OCIAD1: variants seen among roughly 807,000 people sequenced by gnomAD.
OCIAD1 encodes OCIA domain-containing protein 1.
A neutral mutation model predicts 38.9 loss-of-function variants in OCIAD1; 29 were observed. That is an observed-to-expected ratio of 0.74 (90% CI 0.55 to 1.02). OCIAD1 has a LOEUF of 1.02. OCIAD1 is among the 50% of genes least tolerant of loss of function. The pLI is 0.00. For synonymous variants in OCIAD1, 110 were observed against 92.0 expected, an observed-to-expected ratio of 1.20 and a Z score of -1.12; for missense variants, 288 against 289.6, an observed-to-expected ratio of 0.99 and a Z score of 0.04.
chr4:48,824,763 T>C (rs1184603735), intron 1 of OCIAD1, among the ~76,000 whole-genome samples: 2 of 151,768 alleles, frequency 1.3e-5, no homozygotes, highest in Non-Finnish European at 2.9e-5. Flanking sequence ...TTAGACAGAG[T>C]CTTGCTCTGT....
chr4:48,851,746 CTTCTT>C, intron 6 of OCIAD1, 55 bp from the exon 7 acceptor site: 1 of 925,812 alleles, frequency 1.1e-6, no homozygotes, highest in Non-Finnish European at 1.7e-6. Flanking sequence ...TATTTTAACA[CTTCTT>C]TAAGATATAG....
intron 4 of OCIAD1, among the ~76,000 whole-genome samples, chr4:48,847,458 T>A (rs894835438): frequency 5.3e-5 from 8 of 152,206 alleles, no homozygotes; most frequent in African/African-American, 1.9e-4. Flanking sequence ...TAGGTGCTTT[T>A]TGTTGACTCT....
At chr4:48,860,582 C>A in intron 8 of OCIAD1, 143 bp from the exon 9 acceptor site, 1 of 697,538 alleles carries the variant, frequency 1.4e-6, no homozygotes, top group African/African-American at 1.8e-5. Context: ...TGGTCATCCC[C>A]TTTTTGTAAT....
chr4:48,857,137 A>G, intron 7 of OCIAD1, 76 bp from the exon 8 acceptor site: 1 of 805,734 alleles, frequency 1.2e-6, no homozygotes, highest in Non-Finnish European at 1.8e-6. Context: ...TTTTGTAAGG[A>G]GCATTTGTAA....
chr4:48,854,996 T>C (rs1779891128), intron 7 of OCIAD1, among the ~76,000 whole-genome samples: 2 of 152,226 alleles, frequency 1.3e-5, no homozygotes, highest in Admixed American at 6.5e-5. Context: ...CTTCCCAAAA[T>C]AGTAAATCAT....
In OCIAD1 at chr4:48,838,146, C is replaced by T. The variant is rs557889327; in HGVS notation, c.140-4490C>T. On this transcript the variant is annotated intron_variant, in intron 3 of 8. Transcript: ENST00000264312. The stretch of plus-strand genomic sequence containing the variant: ...CAGCCTGACCTATATGGTGAAACCC[C>T]GTCTCTACTAAGAATACAAAAATTA... 5.7e-4 allele frequency among the ~76,000 whole-genome samples: 86 copies of T among 152,110 alleles called. 3 individuals carry two copies. The highest frequency in any genetic ancestry group is 4.8e-3 in the Admixed American group (74 of 15,274).
chr4:48,824,347 G>A (rs1360789282), intron 1 of OCIAD1, among the ~76,000 whole-genome samples: 1 of 151,914 alleles, frequency 6.6e-6, no homozygotes, highest in Non-Finnish European at 1.5e-5. Flanking sequence ...ATTTACAATT[G>A]AAATTACATC....
At chr4:48,820,540 A>G (rs1373812528) in intron 1 of OCIAD1, among the ~76,000 whole-genome samples, 2 of 152,234 alleles carry the variant, frequency 1.3e-5, no homozygotes, top group Non-Finnish European at 2.9e-5. Context: ...AAAACAAGAA[A>G]TAACTAAGAT....
chr4:48,855,169 C>A (rs923785265), intron 7 of OCIAD1, among the ~76,000 whole-genome samples: 7 of 152,156 alleles, frequency 4.6e-5, no homozygotes, highest in African/African-American at 1.7e-4. Context: ...CCATATTTCG[C>A]AATTGAGAAA....
intron 3 of OCIAD1, among the ~76,000 whole-genome samples, chr4:48,839,658 A>G (rs1348698996): frequency 1.3e-5 from 2 of 152,120 alleles, no homozygotes; most frequent in Non-Finnish European, 2.9e-5. Context: ...TATTAGTGTT[A>G]TTATGATTAA....
chr4:48,838,624 T>C (rs1360873653), intron 3 of OCIAD1, among the ~76,000 whole-genome samples: 1 of 152,252 alleles, frequency 6.6e-6, no homozygotes, highest in Non-Finnish European at 1.5e-5. Context: ...AGATAGTCTA[T>C]GCTGTATGTG....
intron 1 of OCIAD1, among the ~76,000 whole-genome samples, chr4:48,820,920 C>T (rs1166638943): frequency 1.3e-5 from 2 of 152,106 alleles, no homozygotes; most frequent in Non-Finnish European, 2.9e-5. Flanking sequence ...AGCCTACCAA[C>T]CAACAAAAGC....
chr4:48,812,282 CAAAAAAAAAAAAAAAAAAAAAAA>C (rs397881494), intron 1 of OCIAD1, among the ~76,000 whole-genome samples: 1 of 25,076 alleles, frequency 4.0e-5, no homozygotes, highest in Non-Finnish European at 6.0e-5. Flanking sequence ...GAGTTGGTCT[CAAAAAAAAAAAAAAAAAAAAAAA>C]AAAAAAAAAA....
intron 7 of OCIAD1, 70 bp downstream of exon 7, chr4:48,852,045 C>T (rs148075905): frequency 8.8e-7 from 1 of 1,135,200 alleles, no homozygotes; most frequent in Non-Finnish European, 1.3e-6. Flanking sequence ...TATTTGATGA[C>T]CTTTTCTGCT....
At chr4:48,813,114 C>A (rs796830296) in intron 1 of OCIAD1, among the ~76,000 whole-genome samples, 2 of 152,056 alleles carry the variant, frequency 1.3e-5, no homozygotes, top group East Asian at 1.9e-4. Flanking sequence ...TGGCATGATG[C>A]GGGATGGATG....
chr4:48,808,424 T>G (rs926964537), intron 1 of OCIAD1, among the ~76,000 whole-genome samples: 4 of 152,006 alleles, frequency 2.6e-5, no homozygotes, highest in Admixed American at 6.5e-5. Flanking sequence ...GAATGGTGAT[T>G]GCACCACTGC....
chr4:48,825,190 G>A (rs1192490131), intron 1 of OCIAD1, among the ~76,000 whole-genome samples: 1 of 152,174 alleles, frequency 6.6e-6, no homozygotes, highest in African/African-American at 2.4e-5. Context: ...TGAGATATGG[G>A]CTTGCTCCTT....
intron 1 of OCIAD1, among the ~76,000 whole-genome samples, chr4:48,823,824 C>CTTGTTT (rs1777221243): frequency 1.4e-5 from 1 of 70,130 alleles, no homozygotes; most frequent in Non-Finnish European, 2.4e-5. Context: ...CAATGCCTGG[C>CTTGTTT]TTTTTTTTTT....
intron 1 of OCIAD1, among the ~76,000 whole-genome samples, chr4:48,816,077 G>A (rs1208475373): frequency 1.3e-5 from 2 of 152,118 alleles, no homozygotes; most frequent in East Asian, 1.9e-4. Context: ...GTATAAAGTG[G>A]CCTGTATTCT....
Sources: allele counts gnomAD v4.1 joint callset (sites outside exome capture counted in the v4.1 genomes callset), GRCh38; gene constraint gnomAD v4.1.1; transcripts MANE v1.5; gene names NCBI Gene and HGNC (gene_info 2026-07-23, HGNC 2026-07-21).